ASPRV1: variants seen among roughly 807,000 people sequenced by gnomAD.
The protein encoded by ASPRV1 is aspartic peptidase retroviral like 1.
In ASPRV1, 7 loss-of-function variants were observed where a neutral mutation model predicts 11.0. The observed-to-expected ratio is 0.64, with a 90% CI of 0.36 to 1.20. The LOEUF is 1.20. Ranked by LOEUF, ASPRV1 falls within the 50% of genes most tolerant of loss-of-function variation. The probability of loss-of-function intolerance (pLI) is 0.02; values close to 1 mark genes in which losing one functional copy is unlikely to be tolerated. For synonymous variants in ASPRV1, 136 were observed against 138.4 expected (o/e 0.98, Z 0.12); for missense variants, 299 against 320.0 (o/e 0.93, Z 0.50).
the ASPRV1 span, among the ~76,000 whole-genome samples, chr2:70,000,807 A>G: frequency 6.7e-6 from 1 of 149,878 alleles, no homozygotes; most frequent in South Asian, 2.1e-4. Context: ...AAAAAAAAAA[A>G]AAAAAAAAAA....
the ASPRV1 span, among the ~76,000 whole-genome samples, chr2:70,086,745 G>A: frequency 1.2e-4 from 19 of 152,392 alleles, no homozygotes; most frequent in East Asian, 7.7e-4. Context: ...TTAACCGAAA[G>A]AAACTTGCGA....
the ASPRV1 span, among the ~76,000 whole-genome samples, chr2:69,990,987 G>C: frequency 6.6e-6 from 1 of 152,204 alleles, no homozygotes; most frequent in African/African-American, 2.4e-5. Flanking sequence ...ACTCATCTCA[G>C]ATGGGACCCC....
the ASPRV1 span, among the ~76,000 whole-genome samples, chr2:70,062,753 G>A: frequency 6.6e-6 from 1 of 152,086 alleles, no homozygotes; most frequent in East Asian, 1.9e-4. Flanking sequence ...TCACGCCTGT[G>A]AACAGCCACC....
chr2:69,980,708 A>G, the ASPRV1 span, among the ~76,000 whole-genome samples: 23 of 152,362 alleles, frequency 1.5e-4, no homozygotes, highest in Middle Eastern at 0.021. Context: ...AAGCTGGATA[A>G]AAGATATATG....
chr2:70,003,781 G>A, the ASPRV1 span, among the ~76,000 whole-genome samples: 6 of 152,356 alleles, frequency 3.9e-5, no homozygotes, highest in Admixed American at 2.0e-4. Flanking sequence ...CAAGTGCTGG[G>A]ATGTGGGGCC....
the ASPRV1 span, chr2:70,056,058 A>C: frequency 6.6e-6 from 1 of 152,222 alleles, no homozygotes; most frequent in Non-Finnish European, 1.5e-5. Flanking sequence ...AATGAACCCT[A>C]ACACATTATG....
chr2:69,970,166 TC>T, the ASPRV1 span, among the ~76,000 whole-genome samples: 1 of 152,018 alleles, frequency 6.6e-6, no homozygotes, highest in Non-Finnish European at 1.5e-5. Flanking sequence ...CCTCAGCTCC[TC>T]CTCCTGAGTC....
the ASPRV1 span, among the ~76,000 whole-genome samples, chr2:70,036,216 T>C: frequency 6.6e-6 from 1 of 151,828 alleles, no homozygotes; most frequent in Non-Finnish European, 1.5e-5. Context: ...ATATGGTGGG[T>C]GGGCTGAAAC....
At chr2:70,003,352 A>G in the ASPRV1 span, 7 of 152,406 alleles carry the variant, frequency 4.6e-5, no homozygotes, top group African/African-American at 1.7e-4. Flanking sequence ...CCTGCCTCAC[A>G]GAGTGGTTGT....
At chr2:69,962,986 G>A (rs988027901), upstream of ASPRV1, 7 of 314,426 alleles carry the variant, frequency 2.2e-5, no homozygotes, top group African/African-American at 4.3e-5. Context: ...CACACCTGTG[G>A]CTCTGGGGCT....
chr2:70,030,621 A>G, the ASPRV1 span: 1 of 152,168 alleles, frequency 6.6e-6, no homozygotes, highest in Non-Finnish European at 1.5e-5. Context: ...ACACTATTTA[A>G]TTCTTCAATA....
chr2:70,065,990 T>C, the ASPRV1 span, among the ~76,000 whole-genome samples: 5 of 151,978 alleles, frequency 3.3e-5, no homozygotes, highest in South Asian at 1.0e-3. Context: ...GGAAGATCAC[T>C]TGAGGCCAGG....
At chr2:70,069,766 A>C in the ASPRV1 span, among the ~76,000 whole-genome samples, 1 of 152,186 alleles carries the variant, frequency 6.6e-6, no homozygotes, top group Non-Finnish European at 1.5e-5. Context: ...CTAGTTCATC[A>C]AAGGAGTCAG....
chr2:69,974,983 C>G, the ASPRV1 span, among the ~76,000 whole-genome samples: 1 of 152,180 alleles, frequency 6.6e-6, no homozygotes, highest in Non-Finnish European at 1.5e-5. Flanking sequence ...GTCTGACAGT[C>G]CTCCAGAGCT....
the ASPRV1 span, among the ~76,000 whole-genome samples, chr2:69,983,742 A>T: frequency 6.6e-6 from 1 of 152,178 alleles, no homozygotes; most frequent in Non-Finnish European, 1.5e-5. Context: ...GCGGTGGTCA[A>T]CAGTTCTGCT....
chr2:70,077,869 T>A, the ASPRV1 span, among the ~76,000 whole-genome samples: 1 of 150,756 alleles, frequency 6.6e-6, no homozygotes, highest in Non-Finnish European at 1.5e-5. Flanking sequence ...AAAAATAAAA[T>A]AAAAATTAAA....
At chr2:70,008,406 C>T in the ASPRV1 span, among the ~76,000 whole-genome samples, 1 of 152,076 alleles carries the variant, frequency 6.6e-6, no homozygotes, top group African/African-American at 2.4e-5. Flanking sequence ...TGTCTGAATT[C>T]TCCAGAATAT....
the ASPRV1 span, chr2:69,940,677 T>C: frequency 6.5e-6 from 1 of 152,676 alleles, no homozygotes; most frequent in Non-Finnish European, 1.5e-5. Context: ...TTCAGTTTGA[T>C]TGCATATAAA....
the ASPRV1 span, among the ~76,000 whole-genome samples, chr2:70,068,091 C>T: frequency 6.6e-6 from 1 of 152,212 alleles, no homozygotes; most frequent in East Asian, 1.9e-4. Flanking sequence ...CAGGCAAGCC[C>T]TGGTCACCAA....
Sources: gnomAD v4.1 joint callset for allele counts (sites outside exome capture counted in the v4.1 genomes callset) on GRCh38, gnomAD v4.1.1 for gene constraint, MANE v1.5 for transcripts, NCBI Gene and HGNC (gene_info 2026-07-23, HGNC 2026-07-21) for gene names.